Variants in MGAT4C observed in about 807,000 individuals in gnomAD.
The protein encoded by MGAT4C is alpha-1,3-mannosyl-glycoprotein 4-beta-N-acetylglucosaminyltransferase C.
A neutral mutation model predicts 40.1 loss-of-function variants in MGAT4C; 19 were observed. The ratio of observed to expected loss-of-function variants is 0.47; its 90% CI spans 0.33 to 0.70. MGAT4C has a LOEUF of 0.70. Ranked by LOEUF, MGAT4C falls within the 30% of genes least tolerant of loss-of-function variation. The pLI, the probability that MGAT4C is intolerant of heterozygous loss-of-function variation, is 0.02. For missense variants in MGAT4C, 491 were observed against 563.2 expected, an observed-to-expected ratio of 0.87 and a Z score of 1.30; for synonymous variants, 181 against 187.1, an observed-to-expected ratio of 0.97 and a Z score of 0.27.
chr12:86,094,859 T>C (rs1873604511), intron 1 of MGAT4C, among the ~76,000 whole-genome samples: 1 of 152,136 alleles, frequency 6.6e-6, no homozygotes. Flanking sequence ...ACTTTCCTTG[T>C]ACATTAAGTT....
At chr12:86,050,828 G>T (rs1220162746) in intron 1 of MGAT4C, among the ~76,000 whole-genome samples, 1 of 151,908 alleles carries the variant, frequency 6.6e-6, no homozygotes, top group Non-Finnish European at 1.5e-5. Context: ...GGTATTTTGG[G>T]ATTCTCATGT....
intron 1 of MGAT4C, 26 bp from the exon 2 acceptor site, chr12:86,049,749 C>T (rs1348771657): frequency 5.8e-6 from 5 of 859,616 alleles, no homozygotes; most frequent in East Asian, 1.2e-4. Context: ...TCTAATATTA[C>T]TAATACAACC....
chr12:86,441,118 T>C (rs1187862277), intron 2 of MGAT4C, among the ~76,000 whole-genome samples: 1 of 151,918 alleles, frequency 6.6e-6, no homozygotes, highest in Non-Finnish European at 1.5e-5. Flanking sequence ...AAAATAATTA[T>C]AAAATTTCTT....
intron 2 of MGAT4C, among the ~76,000 whole-genome samples, chr12:86,700,070 T>TAGATA (rs1565933976): frequency 3.8e-4 from 57 of 150,036 alleles, no homozygotes; most frequent in Admixed American, 1.5e-3. Flanking sequence ...ATAGATAAGA[T>TAGATA]AGATAGATAA....
intron 1 of MGAT4C, among the ~76,000 whole-genome samples, chr12:86,796,133 T>C (rs1013515783): frequency 2.0e-5 from 3 of 150,980 alleles, no homozygotes; most frequent in African/African-American, 7.3e-5. Flanking sequence ...TTTAAGAATT[T>C]CTGTGACTTG....
intron 1 of MGAT4C, chr12:86,067,992 T>C (rs1894718905): frequency 6.6e-6 from 1 of 152,132 alleles, no homozygotes; most frequent in Non-Finnish European, 1.5e-5. Flanking sequence ...CACCAAAAAA[T>C]CTGGAAGATC....
chr12:86,174,124 T>TAC (rs71445051), intron 1 of MGAT4C, among the ~76,000 whole-genome samples: 46,980 of 143,646 alleles, frequency 0.33, 7,388 homozygotes, highest in East Asian at 0.48. Context: ...CACACACACA[T>TAC]ACACACACAC....
intron 2 of MGAT4C, among the ~76,000 whole-genome samples, chr12:86,542,983 A>G (rs1389471179): frequency 6.6e-6 from 1 of 152,140 alleles, no homozygotes; most frequent in Non-Finnish European, 1.5e-5. Flanking sequence ...AATTCTAATC[A>G]TTAAAGCCTC....
At chr12:86,533,556 A>ATG (rs902340251) in intron 2 of MGAT4C, among the ~76,000 whole-genome samples, 39 of 152,028 alleles carry the variant, frequency 2.6e-4, no homozygotes, top group African/African-American at 9.2e-4. Flanking sequence ...AGGCATTTAT[A>ATG]TGTGTGTGTG....
chr12:86,574,321 T>C (rs1254279890), intron 2 of MGAT4C, among the ~76,000 whole-genome samples: 1 of 151,790 alleles, frequency 6.6e-6, no homozygotes, highest in African/African-American at 2.4e-5. Context: ...TTCATCACTT[T>C]CCATATTAAG....
chr12:86,552,225 A>G (rs1959401313), intron 2 of MGAT4C, among the ~76,000 whole-genome samples: 1 of 152,076 alleles, frequency 6.6e-6, no homozygotes, highest in Admixed American at 6.6e-5. Context: ...TATTATTTTT[A>G]TTACTCACTT....
At chr12:86,830,198 C>A (rs1408034183) in intron 1 of MGAT4C, among the ~76,000 whole-genome samples, 1 of 151,368 alleles carries the variant, frequency 6.6e-6, no homozygotes, top group Non-Finnish European at 1.5e-5. Flanking sequence ...TCTTTCTGCC[C>A]CTGTATGCCC....
At chr12:86,727,055 TTCTCA>T (rs1950833424) in intron 2 of MGAT4C, among the ~76,000 whole-genome samples, 1 of 152,168 alleles carries the variant, frequency 6.6e-6, no homozygotes, top group Non-Finnish European at 1.5e-5. Context: ...GTTTTCTTCA[TTCTCA>T]TCTATGTTGA....
At chr12:86,137,755 C>T (rs907813394) in intron 1 of MGAT4C, among the ~76,000 whole-genome samples, 6 of 152,162 alleles carry the variant, frequency 3.9e-5, no homozygotes, top group Non-Finnish European at 8.8e-5. Flanking sequence ...AAACTTGCTT[C>T]TAACTTCCTG....
At chr12:86,829,735 C>T (rs886582274) in intron 1 of MGAT4C, among the ~76,000 whole-genome samples, 1 of 151,036 alleles carries the variant, frequency 6.6e-6, no homozygotes, top group East Asian at 2.0e-4. Context: ...GTTACTTATA[C>T]TGGAGAAAGA....
chr12:86,469,571 G>C (rs1445165132), intron 2 of MGAT4C, among the ~76,000 whole-genome samples: 2 of 152,160 alleles, frequency 1.3e-5, no homozygotes, highest in African/African-American at 4.8e-5. Flanking sequence ...ACAGTCATGT[G>C]AATCAGGTAA....
intron 1 of MGAT4C, among the ~76,000 whole-genome samples, chr12:86,168,239 CTAGTT>C (rs747602190): frequency 7.2e-5 from 11 of 152,142 alleles, no homozygotes; most frequent in Non-Finnish European, 1.3e-4. Context: ...CAAATTAACT[CTAGTT>C]TAGTCTCAAC....
chr12:86,422,260 T>C (rs754599880), intron 3 of MGAT4C, among the ~76,000 whole-genome samples: 1 of 152,222 alleles, frequency 6.6e-6, no homozygotes. Context: ...AACACAAGAT[T>C]AACTGAAGTA....
chr12:86,060,385 T>G (rs1893825715), intron 1 of MGAT4C, among the ~76,000 whole-genome samples: 1 of 152,210 alleles, frequency 6.6e-6, no homozygotes, highest in South Asian at 2.1e-4. Context: ...TTCCACAGTT[T>G]AAAATATATC....
Sources: allele counts gnomAD v4.1 joint callset (sites outside exome capture counted in the v4.1 genomes callset), GRCh38; gene constraint gnomAD v4.1.1; transcripts MANE v1.5; gene names NCBI Gene and HGNC (gene_info 2026-07-23, HGNC 2026-07-21).